BANP: variants seen among roughly 807,000 people sequenced by gnomAD.
BANP encodes the protein BTG3 associated nuclear protein.
Under a neutral mutation model 68.1 loss-of-function variants are expected in BANP, and 11 were observed. The observed-to-expected ratio is 0.16, with a 90% CI of 0.10 to 0.27. The LOEUF is 0.27. Among genes scored for constraint, BANP ranks in the 10% least tolerant of loss-of-function variants. BANP has a pLI of 1.00. For synonymous variants in BANP, 329 were observed against 303.2 expected, an observed-to-expected ratio of 1.09 and a Z score of -0.88; for missense variants, 504 against 722.7, an observed-to-expected ratio of 0.70 and a Z score of 3.47.
chr16:88,003,569 T>G lies in BANP; in HGVS notation c.363-726T>G. ...CGCATGATTGAAAACTGTGGGTGAG[T>G]CTGTACTTTGAGATGAAGCTGTGTT... On this transcript the variant is annotated intron_variant, in intron 4 of 13. Coordinates refer to ENST00000682872, the MANE Select transcript of BANP (RefSeq NM_001386991.1). This position sits in a 1 kb window ranked among gnomAD's most constrained non-coding sequence, Gnocchi z 6.1. 1 of 455,884 alleles carries G rather than the reference T, an allele frequency of 2.2e-6. No individual in the cohort carries two copies. The highest frequency in any genetic ancestry group is 4.4e-6 in the Non-Finnish European group (1 of 226,804). 28.2% of individuals were successfully genotyped at this position (455,884 alleles called of 1,614,324 possible).
intron 9 of BANP, among the ~76,000 whole-genome samples, chr16:88,033,968 C>A (rs1358278875): frequency 1.3e-5 from 2 of 152,312 alleles, no homozygotes; most frequent in African/African-American, 2.4e-5. Flanking sequence ...CACTAGACCT[C>A]GCCTATGTTT....
chr16:88,029,761 G>A (rs550893994), intron 8 of BANP, among the ~76,000 whole-genome samples: 52 of 152,360 alleles, frequency 3.4e-4, no homozygotes, highest in African/African-American at 1.2e-3. Context: ...GCACAGGACC[G>A]TGATCCTGAG....
intron 11 of BANP, among the ~76,000 whole-genome samples, chr16:88,047,348 G>A (rs143466456): frequency 5.8e-4 from 89 of 152,292 alleles, no homozygotes; most frequent in Admixed American, 1.5e-3. Flanking sequence ...CCACATCTCC[G>A]TTAGGTAGTG....
chr16:88,050,777 C>G (rs1165379130), intron 11 of BANP, among the ~76,000 whole-genome samples: 1 of 152,064 alleles, frequency 6.6e-6, no homozygotes, highest in Admixed American at 6.5e-5. Context: ...CAACCTCTGC[C>G]TCCAGGTTCA....
intron 4 of BANP, among the ~76,000 whole-genome samples, chr16:87,994,207 A>T (rs572145504): frequency 2.6e-5 from 4 of 152,240 alleles, no homozygotes; most frequent in Non-Finnish European, 4.4e-5. Flanking sequence ...GTGCCGTTGC[A>T]GAGTGCTGAC....
intron 11 of BANP, among the ~76,000 whole-genome samples, chr16:88,052,208 A>G (rs932252225): frequency 1.3e-5 from 2 of 152,206 alleles, no homozygotes; most frequent in Non-Finnish European, 2.9e-5. Context: ...CTTCAGCTCA[A>G]ATGTAGCATA....
At chr16:88,073,699 T>TAGG (rs1175844300) in intron 13 of BANP, among the ~76,000 whole-genome samples, 1 of 152,164 alleles carries the variant, frequency 6.6e-6, no homozygotes, top group Non-Finnish European at 1.5e-5. Flanking sequence ...CCGTTCCAGA[T>TAGG]AGGAGCGCTG....
Position 88,072,128 on chromosome 16 carries a change from G to A in BANP, c.1437G>A (p.Val479=), listed in dbSNP as rs2152922053. ...CCTCGGACCCCGCGGCGGCGGGCGT[G>A]GATGGGTCGCCACTCCAGGGCAGCG... ...VASSDPAAAG[V]DGSPLQGSDI... is the part of the protein sequence containing the mutation. Residue 479 remains valine (V), a synonymous_variant, in exon 13 of 14, where the codon GTG becomes GTA. Transcript: ENST00000682872. 2 of 1,609,628 alleles carry A rather than the reference G, an allele frequency of 1.2e-6. No individual in the cohort carries two copies. Among genetic ancestry groups the A allele is most frequent in the South Asian group, 1.1e-5 (1 of 90,570 alleles).
rs187272679 is a variant in BANP at position 88,038,595 on chromosome 16, A to G, written c.1311+584A>G. The stretch of plus-strand genomic sequence containing the variant: ...TTTCGCTCCTGTGTATTGCCGTCAA[A>G]CTCACAAACTTGCCAGCTTTCTAAT... On this transcript the variant is annotated intron_variant, in intron 11 of 13. Coordinates refer to ENST00000682872, the MANE Select transcript of BANP (RefSeq NM_001386991.1). 9.9e-4 allele frequency among the ~76,000 whole-genome samples: 150 copies of G among 152,264 alleles called. 1 individual carries two copies. Among genetic ancestry groups the G allele is most frequent in the African/African-American group, 3.5e-3 (147 of 41,534 alleles).
chr16:88,014,671 C>T (rs939051553), intron 6 of BANP, among the ~76,000 whole-genome samples: 1 of 152,040 alleles, frequency 6.6e-6, no homozygotes, highest in East Asian at 1.9e-4. Flanking sequence ...CCCTGCCCAC[C>T]GTCCCCACAC....
In BANP at chr16:88,077,028, G is replaced by T. The variant is rs946480579; in HGVS notation, c.*367G>T. ...GAAAATTTGAAAAAAAAAATCCCAG[G>T]GGAGTAGCAGGAGCCCTTTGCTGTG... is the stretch of plus-strand genomic sequence containing the variant. On this transcript the variant is annotated 3_prime_UTR_variant, in exon 14 of 14. Transcript: ENST00000682872. 4 of 227,834 alleles carry T rather than the reference G, an allele frequency of 1.8e-5. No individual in the cohort carries two copies. The highest frequency in any genetic ancestry group is 3.5e-5 in the Non-Finnish European group (4 of 114,344). 14.1% of individuals were successfully genotyped at this position (227,834 alleles called of 1,614,324 possible). A position where few individuals can be genotyped will look rare whatever the true frequency, so the allele number is the denominator to read the frequency against.
intron 13 of BANP, among the ~76,000 whole-genome samples, chr16:88,075,336 A>G (rs1272572998): frequency 6.6e-6 from 1 of 151,910 alleles, no homozygotes; most frequent in Admixed American, 6.6e-5. Context: ...ACAGAGTGAG[A>G]CTCCGTCTCA....
chr16:88,030,869 G>A (rs1163651730), intron 8 of BANP, among the ~76,000 whole-genome samples: 1 of 152,254 alleles, frequency 6.6e-6, no homozygotes, highest in African/African-American at 2.4e-5. Context: ...CATGGTGGCA[G>A]TGGGCTGGAA....
At chr16:88,065,534 G>C (rs2088288125) in intron 12 of BANP, among the ~76,000 whole-genome samples, 1 of 152,214 alleles carries the variant, frequency 6.6e-6, no homozygotes, top group African/African-American at 2.4e-5. Context: ...ATTGGGACCT[G>C]GGTGTCTTTG....
intron 11 of BANP, among the ~76,000 whole-genome samples, chr16:88,050,418 G>A (rs2082980883): frequency 6.6e-6 from 1 of 151,950 alleles, no homozygotes; most frequent in African/African-American, 2.4e-5. Flanking sequence ...GGCCTCCCAG[G>A]GTGCTCGGGT....
At chr16:87,983,468 G>C (rs900079886) in intron 3 of BANP, among the ~76,000 whole-genome samples, 5 of 152,180 alleles carry the variant, frequency 3.3e-5, no homozygotes, top group African/African-American at 1.2e-4. Context: ...ACTGCTCACT[G>C]GTTACTTGGA....
At chr16:88,016,983 G>C (rs1379586260) in intron 6 of BANP, among the ~76,000 whole-genome samples, 2 of 152,196 alleles carry the variant, frequency 1.3e-5, no homozygotes, top group Non-Finnish European at 2.9e-5. Flanking sequence ...GCCCTGCCCT[G>C]ATATTTCATG....
rs2088092391 is a variant in BANP at position 88,064,967 on chromosome 16, CAA to C, written c.1312-298_1312-297del. ...TTGGCTTTTAAAAACTCCTACAGTA[CAA>C]ACTCTTTCTAATGGAAAAAAGCGGT... is the stretch of plus-strand genomic sequence containing the variant. On this transcript the variant is annotated intron_variant, in intron 11 of 13. Transcript: ENST00000682872. This position sits in a 1 kb window ranked among gnomAD's most constrained non-coding sequence, Gnocchi z 4.5. Among the ~76,000 whole-genome samples, 1 of 152,240 alleles carries C rather than the reference CAA, an allele frequency of 6.6e-6. No individual in the cohort carries two copies. The highest frequency in any genetic ancestry group is 6.5e-5 in the Admixed American group (1 of 15,286).
chr16:88,035,103 G>C, intron 9 of BANP: 1 of 555,296 alleles, frequency 1.8e-6, no homozygotes, highest in Non-Finnish European at 3.3e-6. Context: ...CGTGGTGGGG[G>C]TAGGGGGTGC....
Sources: allele counts gnomAD v4.1 joint callset (sites outside exome capture counted in the v4.1 genomes callset), GRCh38; gene constraint gnomAD v4.1.1; non-coding constraint Gnocchi (gnomAD v3.1); transcripts MANE v1.5; gene names NCBI Gene and HGNC (gene_info 2026-07-23, HGNC 2026-07-21).